ANKMY2: variants seen among roughly 807,000 people sequenced by gnomAD.
The protein encoded by ANKMY2 is ankyrin repeat and MYND domain-containing protein 2.
Under a neutral mutation model 50.4 loss-of-function variants are expected in ANKMY2, and 36 were observed. The observed-to-expected ratio is 0.71, with a 90% CI of 0.55 to 0.94. The LOEUF (loss-of-function observed/expected upper bound fraction) is 0.94. ANKMY2 is among the 40% of genes least tolerant of loss of function. The pLI, the probability that ANKMY2 is intolerant of heterozygous loss-of-function variation, is 0.00. For synonymous variants in ANKMY2, 187 were observed against 178.8 expected (o/e 1.05, Z -0.36); for missense variants, 565 against 524.0 (o/e 1.08, Z -0.76).
Position 16,609,689 on chromosome 7 carries a change from GA to G in ANKMY2, c.822del (p.Pro275LeufsTer64), listed in dbSNP as rs752612267. ...EKIIRESIRK[F>X]PYCEATLLQQ... ...TGGAGGAGTGTAGCTTCACAGTAAG[GA>G]AATTTTCTGATACTTTCTCTAATGA... On this transcript the variant is annotated frameshift_variant, in exon 7 of 10. Coordinates refer to ENST00000306999, the MANE Select transcript of ANKMY2 (RefSeq NM_020319.3). LOFTEE classifies it high-confidence loss of function. 1.2e-6 allele frequency: 2 copies of G among 1,612,842 alleles called. No individual in the cohort carries two copies. The highest frequency in any genetic ancestry group is 1.7e-6 in the Non-Finnish European group (2 of 1,179,666).
At chr7:16,618,626 C>CAT (rs1781391891) in intron 4 of ANKMY2, among the ~76,000 whole-genome samples, 2 of 152,060 alleles carry the variant, frequency 1.3e-5, no homozygotes, top group Admixed American at 6.6e-5. Context: ...CCAGTACATA[C>CAT]GTCTTGAAAA....
Position 16,610,646 on chromosome 7 carries a change from C to A in ANKMY2, c.649G>T (p.Val217Leu). 6.2e-7 allele frequency: 1 copy of A among 1,613,946 alleles called. No individual in the cohort carries two copies. Among genetic ancestry groups the A allele is most frequent in the Non-Finnish European group, 8.5e-7 (1 of 1,179,912 alleles). Reference protein sequence around the residue: ...KCMKQRDMNEVLAMKMHYISC... With the variant: ...KCMKQRDMNELLAMKMHYISC... Reference sequence around the variant, plus strand: ...ATGTAATGCATCTTCATAGCCAATACTTCATTCATGTCTCTTTGCTTCATA... The same window carrying A: ...ATGTAATGCATCTTCATAGCCAATAATTCATTCATGTCTCTTTGCTTCATA... Residue 217 changes from valine to leucine, a missense_variant, in exon 6 of 10, where the codon GTA (valine) becomes TTA (leucine). Coordinates refer to ENST00000306999, the MANE Select transcript of ANKMY2 (RefSeq NM_020319.3).
intron 4 of ANKMY2, among the ~76,000 whole-genome samples, chr7:16,618,431 G>GA (rs1781388833): frequency 6.6e-6 from 1 of 151,652 alleles, no homozygotes; most frequent in Non-Finnish European, 1.5e-5. Flanking sequence ...CATCTCAAAG[G>GA]AAAAAAAGGA....
rs1781037770 is a variant in ANKMY2 at position 16,600,674 on chromosome 7, T to TG, written c.*86_*87insC. Reference sequence around the variant, plus strand: ...GAATCCTGCCATGGTGCCACGCAGGTATAACAAGGTGAGGACAATGCATTC... The same window carrying TG: ...GAATCCTGCCATGGTGCCACGCAGGTGATAACAAGGTGAGGACAATGCATTC... On this transcript the variant is annotated 3_prime_UTR_variant, in exon 10 of 10. Transcript: ENST00000306999. 1 of 1,202,408 alleles carries TG rather than the reference T, an allele frequency of 8.3e-7. No individual in the cohort carries two copies. Among genetic ancestry groups the TG allele is most frequent in the African/African-American group, 1.5e-5 (1 of 64,934 alleles). 74.5% of individuals were successfully genotyped at this position (1,202,408 alleles called of 1,614,324 possible).
At chr7:16,615,951 A>C in intron 4 of ANKMY2, 47 bp from the exon 5 acceptor site, 1 of 1,532,070 alleles carries the variant, frequency 6.5e-7, no homozygotes, top group South Asian at 1.2e-5. Flanking sequence ...ATTAAAAATA[A>C]CACATCTGGT....
intron 2 of ANKMY2, among the ~76,000 whole-genome samples, chr7:16,633,210 T>G (rs1781612195): frequency 6.6e-6 from 1 of 152,096 alleles, no homozygotes; most frequent in East Asian, 1.9e-4. Flanking sequence ...TCTTTTCACT[T>G]TCTCGGTGGT....
intron 5 of ANKMY2, among the ~76,000 whole-genome samples, chr7:16,613,900 G>A (rs931065747): frequency 8.0e-5 from 11 of 137,760 alleles, no homozygotes; most frequent in East Asian, 2.2e-4. Context: ...CAGGCTGGGC[G>A]ACAGAGCAAG....
rs1477572932 is a variant in ANKMY2 at position 16,645,410 on chromosome 7, C to T, written c.67+97G>A. On this transcript the variant is annotated intron_variant, in intron 1 of 9. Transcript: ENST00000306999. ...TTCCAGGCTGCAAACCTTGCAGAAC[C>T]GCAGCCAAAGGTCACCCAGGCCAGG... is the stretch of plus-strand genomic sequence containing the variant. 2.4e-6 allele frequency: 3 copies of T among 1,236,458 alleles called. No homozygotes were observed. The East Asian group carries it at 8.0e-5, about 33-fold the overall frequency. 76.6% of individuals were successfully genotyped at this position (1,236,458 alleles called of 1,614,324 possible).
chr7:16,601,005 G>GCTTT, intron 9 of ANKMY2, 60 bp from the exon 10 acceptor site: 1 of 1,303,984 alleles, frequency 7.7e-7, no homozygotes, highest in Non-Finnish European at 1.0e-6. Context: ...TCTTCTCAAT[G>GCTTT]CTTTACATGT....
At chr7:16,644,846 G>A (rs563918495) in intron 1 of ANKMY2, 22 of 397,612 alleles carry the variant, frequency 5.5e-5, no homozygotes. Flanking sequence ...GCGAAGGAGC[G>A]CGATTAGAAG....
At chr7:16,641,719 T>C (rs73312733) in intron 1 of ANKMY2, among the ~76,000 whole-genome samples, 2,223 of 152,330 alleles carry the variant, frequency 0.015, 52 homozygotes, top group African/African-American at 0.051. Flanking sequence ...GAAAATAAGC[T>C]ACATACTATT....
At chr7:16,608,534 C>G (rs1381674487) in intron 7 of ANKMY2, among the ~76,000 whole-genome samples, 1 of 152,072 alleles carries the variant, frequency 6.6e-6, no homozygotes. Flanking sequence ...CATAACAACC[C>G]AGAGAGAAGG....
At chr7:16,619,275 T>C (rs1396142395) in intron 4 of ANKMY2, among the ~76,000 whole-genome samples, 1 of 151,788 alleles carries the variant, frequency 6.6e-6, no homozygotes, top group Non-Finnish European at 1.5e-5. Context: ...TGCCTCAGCC[T>C]CCCGAGTAGC....
At chr7:16,629,095 C>T (rs893907982) in intron 2 of ANKMY2, among the ~76,000 whole-genome samples, 5 of 152,170 alleles carry the variant, frequency 3.3e-5, no homozygotes, top group Non-Finnish European at 7.3e-5. Flanking sequence ...TGCCCATTTA[C>T]GTGTCTCCTA....
chr7:16,605,983 A>G (rs1781154057), intron 7 of ANKMY2, among the ~76,000 whole-genome samples: 1 of 150,672 alleles, frequency 6.6e-6, no homozygotes, highest in Non-Finnish European at 1.5e-5. Flanking sequence ...ACACCTGGCC[A>G]ATATTTTGTA....
chr7:16,617,949 A>G (rs1781381270), intron 4 of ANKMY2, among the ~76,000 whole-genome samples: 2 of 130,846 alleles, frequency 1.5e-5, no homozygotes, highest in Non-Finnish European at 3.1e-5. Flanking sequence ...TTTGGGTGAG[A>G]CAGAGTCTGG....
intron 4 of ANKMY2, among the ~76,000 whole-genome samples, chr7:16,617,291 A>G (rs1192602740): frequency 6.6e-6 from 1 of 152,124 alleles, no homozygotes; most frequent in Admixed American, 6.5e-5. Flanking sequence ...CTTCTTGAAG[A>G]TTCTATAAGG....
chr7:16,626,561 G>A (rs1254615945), intron 3 of ANKMY2, among the ~76,000 whole-genome samples: 1 of 152,104 alleles, frequency 6.6e-6, no homozygotes, highest in Non-Finnish European at 1.5e-5. Context: ...CCACTTAATT[G>A]TAGACAGTAT....
chr7:16,610,798 G>C (rs757783454), intron 5 of ANKMY2, 35 bp from the exon 6 acceptor site: 14 of 1,585,448 alleles, frequency 8.8e-6, no homozygotes, highest in Non-Finnish European at 8.6e-7. Context: ...GGTATTAAAG[G>C]AGACACTTGT....
Sources: gnomAD v4.1 joint callset for allele counts (sites outside exome capture counted in the v4.1 genomes callset) on GRCh38, gnomAD v4.1.1 for gene constraint, MANE v1.5 for transcripts, NCBI Gene and HGNC (gene_info 2026-07-23, HGNC 2026-07-21) for gene names.